The following FANCC variants were observed in gnomAD, a reference collection of about 807,000 sequenced individuals.
FANCC encodes the protein Fanconi anemia group C protein.
FANCC carries 55 observed loss-of-function variants against 71.3 expected under a neutral mutation model. The observed-to-expected ratio is 0.77, with a 90% CI of 0.62 to 0.97. The LOEUF (loss-of-function observed/expected upper bound fraction) is 0.97, where lower values mean the gene tolerates loss of function less well. Ranked by LOEUF, FANCC falls within the 50% of genes least tolerant of loss-of-function variation. The pLI, the probability that FANCC is intolerant of heterozygous loss-of-function variation, is 0.00. For synonymous variants in FANCC, 275 were observed against 244.9 expected, an observed-to-expected ratio of 1.12 and a Z score of -1.15; for missense variants, 678 against 670.9, an observed-to-expected ratio of 1.01 and a Z score of -0.12.
chr9:95,231,826 C>T (rs561892578), intron 4 of FANCC, among the ~76,000 whole-genome samples: 3 of 152,326 alleles, frequency 2.0e-5, no homozygotes, highest in African/African-American at 4.8e-5. Flanking sequence ...TTGAAGGCCA[C>T]TCTCTCTTTT....
At position 95,197,765 on chromosome 9, in the gene FANCC, G is replaced by C. The variant is rs142004079; in HGVS notation, c.346-25618C>G. Among the ~76,000 whole-genome samples, 9 of 152,278 alleles carry C rather than the reference G, an allele frequency of 5.9e-5. No individual in the cohort carries two copies. The East Asian group carries it at 1.7e-3, about 29-fold the overall frequency. ...AAGAGGACCTTCTACTGCTGCTGCAGCCAAGATGCCAAGCCCTGAGTTGAC... is the reference window on the plus strand; with the variant it reads ...AAGAGGACCTTCTACTGCTGCTGCACCCAAGATGCCAAGCCCTGAGTTGAC... On this transcript the variant is annotated intron_variant, in intron 4 of 14. Transcript: ENST00000289081.
At chr9:95,283,909 C>A (rs992809368) in intron 1 of FANCC, among the ~76,000 whole-genome samples, 15 of 152,208 alleles carry the variant, frequency 9.9e-5, no homozygotes, top group African/African-American at 3.6e-4. Flanking sequence ...AGCTATGTGA[C>A]CTTGGGAAGT....
At chr9:95,182,987 C>T (rs949144817) in intron 4 of FANCC, among the ~76,000 whole-genome samples, 3 of 152,110 alleles carry the variant, frequency 2.0e-5, no homozygotes, top group Non-Finnish European at 4.4e-5. Context: ...CCCTACATGG[C>T]CTCAGCCCGC....
At chr9:95,221,318 C>T (rs758825317) in intron 4 of FANCC, among the ~76,000 whole-genome samples, 17 of 152,098 alleles carry the variant, frequency 1.1e-4, no homozygotes, top group Non-Finnish European at 8.8e-5. Context: ...CCTCTACTCC[C>T]ACCTCATAAC....
intron 14 of FANCC, among the ~76,000 whole-genome samples, chr9:95,105,961 C>T (rs2071416242): frequency 6.6e-6 from 1 of 152,266 alleles, no homozygotes. Context: ...CCAGCCCCTG[C>T]TTTCGGCTCT....
intron 1 of FANCC, among the ~76,000 whole-genome samples, chr9:95,254,065 G>C (rs1280369579): frequency 6.6e-6 from 1 of 152,162 alleles, no homozygotes; most frequent in Non-Finnish European, 1.5e-5. Context: ...TCTGTGGCCC[G>C]GGGCTTGGGG....
chr9:95,187,586 C>T lies in FANCC; in HGVS notation c.346-15439G>A, dbSNP rs538785339. On this transcript the variant is annotated intron_variant, in intron 4 of 14. Coordinates refer to ENST00000289081, the MANE Select transcript of FANCC (RefSeq NM_000136.3). ...CACCCAGCCCACTGAATCCAAACCT[C>T]TGGGGGTGGGCCCTAGAATCTGTTC... Among the ~76,000 whole-genome samples, 83 of 152,264 alleles carry T rather than the reference C, an allele frequency of 5.5e-4. No homozygotes were observed. In the South Asian group the frequency reaches 0.017, roughly 31 times the overall value.
intron 4 of FANCC, among the ~76,000 whole-genome samples, chr9:95,185,048 G>A (rs1057031167): frequency 3.3e-5 from 5 of 152,196 alleles, no homozygotes; most frequent in African/African-American, 4.8e-5. Context: ...TATCTGAAAT[G>A]ATAAAGAATT....
rs951860178 is a variant in FANCC at position 95,237,541 on chromosome 9, G to A, written c.345+3108C>T. ...CCACAGCTGCCCTGTCCAACACGGC[G>A]GCCGCCTGCCACATGTGGCTGCAGA... On this transcript the variant is annotated intron_variant, in intron 4 of 14. Coordinates refer to ENST00000289081, the MANE Select transcript of FANCC (RefSeq NM_000136.3). Among the ~76,000 whole-genome samples the A allele has an allele frequency of 1.4e-4, 22 of 152,300 alleles. No individual in the cohort carries two copies. The South Asian group carries it at 2.3e-3, about 16-fold the overall frequency.
At position 95,293,056 on chromosome 9, in the gene FANCC, A is replaced by C. The variant is rs116415964; in HGVS notation, c.-79+24470T>G. 1,181 of 1,600,040 alleles carry C rather than the reference A, an allele frequency of 7.4e-4. 6 individuals carry two copies. In the African/African-American group the frequency reaches 0.014, roughly 19 times the overall value. ...TGTGCAAAACCAGAAGTTATCCAAC[A>C]AGACCACTGAATCATTTAACAACCA... On this transcript the variant is annotated intron_variant, in intron 1 of 14. Transcript: ENST00000289081.
chr9:95,242,818 C>G (rs952893749), intron 3 of FANCC, among the ~76,000 whole-genome samples: 2 of 152,178 alleles, frequency 1.3e-5, no homozygotes, highest in African/African-American at 4.8e-5. Flanking sequence ...ACAAGTGCCA[C>G]CAGCACTCAC....
At chr9:95,128,372 A>G (rs1039191772) in intron 8 of FANCC, among the ~76,000 whole-genome samples, 2 of 152,270 alleles carry the variant, frequency 1.3e-5, no homozygotes, top group Non-Finnish European at 2.9e-5. Flanking sequence ...GCCCACAGGC[A>G]GACAGATAAG....
chr9:95,249,448 G>C, intron 1 of FANCC, 79 bp from the exon 2 acceptor site: 7 of 706,560 alleles, frequency 9.9e-6, no homozygotes. Flanking sequence ...ATGGGTGAAG[G>C]AGGGATTACA....
At chr9:95,230,606 GTCTC>G (rs1829943803) in intron 4 of FANCC, among the ~76,000 whole-genome samples, 1 of 152,080 alleles carries the variant, frequency 6.6e-6, no homozygotes. Flanking sequence ...TGGGTTCGTG[GTCTC>G]TCTGACTTCA....
At chr9:95,207,165 A>G (rs1472828193) in intron 4 of FANCC, among the ~76,000 whole-genome samples, 1 of 152,176 alleles carries the variant, frequency 6.6e-6, no homozygotes, top group Non-Finnish European at 1.5e-5. Context: ...AAACTGGTCT[A>G]TATCAGGGTG....
At position 95,210,016 on chromosome 9, in the gene FANCC, T is replaced by C. The variant is rs542782197; in HGVS notation, c.345+30633A>G. On this transcript the variant is annotated intron_variant, in intron 4 of 14. Coordinates refer to ENST00000289081, the MANE Select transcript of FANCC (RefSeq NM_000136.3). The stretch of plus-strand genomic sequence containing the variant: ...TAAACACACTCTACCCTGGTACAAA[T>C]GAATGCACACGACTACATGCACCAA... 3.9e-5 allele frequency among the ~76,000 whole-genome samples: 6 copies of C among 152,224 alleles called. No individual in the cohort carries two copies. In the East Asian group the frequency reaches 1.2e-3, roughly 29 times the overall value.
At chr9:95,309,204 T>C (rs922859013) in intron 1 of FANCC, among the ~76,000 whole-genome samples, 4 of 152,220 alleles carry the variant, frequency 2.6e-5, no homozygotes, top group Non-Finnish European at 5.9e-5. Flanking sequence ...CCAACTTTTT[T>C]AGTGTAATGA....
At chr9:95,316,060 T>C (rs1455389366) in intron 1 of FANCC, among the ~76,000 whole-genome samples, 1 of 152,208 alleles carries the variant, frequency 6.6e-6, no homozygotes, top group Admixed American at 6.5e-5. Flanking sequence ...GATGCCTTGG[T>C]AAACGTTTTT....
intron 4 of FANCC, among the ~76,000 whole-genome samples, chr9:95,212,861 CAT>C (rs1452307591): frequency 3.3e-5 from 5 of 152,106 alleles, no homozygotes; most frequent in African/African-American, 9.7e-5. Context: ...ATAGTATACA[CAT>C]ATGTTATGCA....
Sources: allele counts gnomAD v4.1 joint callset (sites outside exome capture counted in the v4.1 genomes callset), GRCh38; gene constraint gnomAD v4.1.1; transcripts MANE v1.5; gene names NCBI Gene and HGNC (gene_info 2026-07-23, HGNC 2026-07-21).